UNC13A: variants seen among roughly 807,000 people sequenced by gnomAD.
The protein encoded by UNC13A is protein unc-13 homolog A.
UNC13A carries 61 observed loss-of-function variants against 219.7 expected under a neutral mutation model. The observed-to-expected ratio is 0.28, with a 90% confidence interval of 0.23 to 0.34. UNC13A has a LOEUF of 0.34. UNC13A is among the 10% of genes least tolerant of loss of function. The pLI, the probability that UNC13A is intolerant of heterozygous loss-of-function variation, is 1.00. For synonymous variants in UNC13A, 920 were observed against 884.6 expected (o/e 1.04, Z -0.71); for missense variants, 1,476 against 2,270.3 (o/e 0.65, Z 7.11).
intron 1 of UNC13A, among the ~76,000 whole-genome samples, chr19:17,681,621 C>A (rs1420011047): frequency 6.6e-6 from 1 of 152,126 alleles, no homozygotes; most frequent in Non-Finnish European, 1.5e-5. Flanking sequence ...TGTTGTTTAC[C>A]ATGAACCACT....
intron 1 of UNC13A, among the ~76,000 whole-genome samples, chr19:17,678,121 C>A (rs530234437): frequency 6.6e-6 from 1 of 152,150 alleles, no homozygotes; most frequent in Non-Finnish European, 1.5e-5. Context: ...CTGAGTGGAG[C>A]CAGTGAAGAG....
chr19:17,641,328 C>G, intron 21 of UNC13A, 65 bp downstream of exon 21: 5 of 1,583,474 alleles, frequency 3.2e-6, no homozygotes, highest in South Asian at 2.3e-5. Flanking sequence ...CCTCCCACCC[C>G]AGACCTGCCA....
At position 17,618,418 on chromosome 19, in the gene UNC13A, C is replaced by T; in HGVS notation, c.4410+3G>A. 2 of 1,574,102 alleles carry T rather than the reference C, an allele frequency of 1.3e-6. No homozygotes were observed. The highest frequency in any genetic ancestry group is 1.7e-6 in the Non-Finnish European group (2 of 1,159,786). ...TGGGATGGGGAGGGGTAGGGCCTCT[C>T]ACCTTGATGGTGTCCAGGGCCAACT... On this transcript the variant is annotated splice_donor_region_variant and intron_variant, in intron 40 of 43. Transcript: ENST00000519716.
At chr19:17,661,433 C>T (rs1233948427) in intron 8 of UNC13A, among the ~76,000 whole-genome samples, 1 of 152,072 alleles carries the variant, frequency 6.6e-6, no homozygotes, top group African/African-American at 2.4e-5. Context: ...GTAGCTCACA[C>T]CTATAATCCC....
chr19:17,645,557 T>G (rs1321907583), intron 19 of UNC13A, 117 bp downstream of exon 19: 1 of 1,442,026 alleles, frequency 6.9e-7, no homozygotes, highest in Non-Finnish European at 9.4e-7. Context: ...CCCATCAGAT[T>G]ATGCTCCTCG....
At chr19:17,655,682 C>T (rs77101451) in intron 10 of UNC13A, among the ~76,000 whole-genome samples, 11,490 of 151,880 alleles carry the variant, frequency 0.076, 515 homozygotes, top group East Asian at 0.13. Context: ...AGATCACAAA[C>T]TCTAAGTCTC....
At chr19:17,635,557 G>A (rs929577172) in intron 26 of UNC13A, among the ~76,000 whole-genome samples, 2 of 152,026 alleles carry the variant, frequency 1.3e-5, no homozygotes, top group Admixed American at 6.6e-5. Flanking sequence ...AATATTGTAC[G>A]TTGAATTGCA....
rs10535025 is a variant in UNC13A, at chr19:17,666,881, C to CGA, written c.469-179_469-178dup. 3.3e-3 allele frequency among the ~76,000 whole-genome samples: 380 copies of CGA among 115,160 alleles called. 1 individual carries two copies. The highest frequency in any genetic ancestry group is 0.013 in the East Asian group (63 of 4,972). The allele number at this position is 115,160 out of a possible 152,430, so 75.5% of individuals were successfully genotyped here. On this transcript the variant is annotated intron_variant, in intron 6 of 43. Transcript: ENST00000519716. Reference sequence around the variant, plus strand: ...AAGGAGAGAAAGACACACACACACACGAGAGAGAGAGAGAGAGAGAGAGAG... The same window carrying CGA: ...AAGGAGAGAAAGACACACACACACACGAGAGAGAGAGAGAGAGAGAGAGAGAG...
At chr19:17,676,339 T>G (rs958860547) in intron 1 of UNC13A, among the ~76,000 whole-genome samples, 1 of 151,782 alleles carries the variant, frequency 6.6e-6, no homozygotes, top group African/African-American at 2.4e-5. Flanking sequence ...GAAGGAAATT[T>G]GGACCCTGAG....
chr19:17,624,696 G>T, intron 35 of UNC13A, 133 bp downstream of exon 35: 1 of 1,317,544 alleles, frequency 7.6e-7, no homozygotes, highest in East Asian at 2.5e-5. Flanking sequence ...CCCTTGAATG[G>T]CCCTTGAGCC....
chr19:17,652,683 GGACA>G lies in UNC13A; in HGVS notation c.1393-10_1393-7del, dbSNP rs762053045. The G allele has an allele frequency of 1.0e-4, 165 of 1,613,634 alleles. No individual in the cohort carries two copies. The highest frequency in any genetic ancestry group is 1.7e-4 in the Admixed American group (10 of 59,992). On this transcript the variant is annotated splice_polypyrimidine_tract_variant and splice_region_variant and intron_variant, in intron 11 of 43. Transcript: ENST00000519716. The stretch of plus-strand genomic sequence containing the variant: ...ATCTCTCCTTCTCCCCGGGCCTGCA[GGACA>G]GACAGACAGATATGGTCAGTGTGGC...
At chr19:17,644,919 T>C (rs1485614397) in intron 19 of UNC13A, among the ~76,000 whole-genome samples, 1 of 151,978 alleles carries the variant, frequency 6.6e-6, no homozygotes, top group Non-Finnish European at 1.5e-5. Flanking sequence ...CTTGAACTCC[T>C]GGACTCAAGT....
In UNC13A at chr19:17,649,010, G is replaced by A. The variant is rs542792975; in HGVS notation, c.1525-27C>T. On this transcript the variant is annotated intron_variant, in intron 14 of 43. Transcript: ENST00000519716. The surrounding 1 kb of genome is among the most constrained non-coding windows in gnomAD (Gnocchi z 4.4). ...TGGGGAGGTCACAGAAGAGGGAGTC[G>A]GGGGGGTTGACATCCATGAGATCAC... 4.8e-5 allele frequency: 75 copies of A among 1,568,150 alleles called. No individual in the cohort carries two copies. Among genetic ancestry groups the A allele is most frequent in the Non-Finnish European group, 6.2e-5 (72 of 1,157,666 alleles).
At chr19:17,687,337 C>G (rs73011758) in intron 1 of UNC13A, among the ~76,000 whole-genome samples, 7 of 152,048 alleles carry the variant, frequency 4.6e-5, no homozygotes, top group Non-Finnish European at 1.0e-4. Flanking sequence ...CTCCCTCTCT[C>G]CAGTGCAAAG....
At position 17,604,859 on chromosome 19, in the gene UNC13A, G is replaced by C. The variant is rs559145532; in HGVS notation, c.*1195C>G. 6.6e-6 allele frequency: 1 copy of C among 151,240 alleles called. No individual in the cohort carries two copies. The highest frequency in any genetic ancestry group is 1.9e-4 in the East Asian group (1 of 5,192). 9.4% of individuals were successfully genotyped at this position (151,240 alleles called of 1,614,324 possible). On this transcript the variant is annotated 3_prime_UTR_variant, in exon 44 of 44. Transcript: ENST00000519716. The stretch of plus-strand genomic sequence containing the variant: ...GCTCTCACTGTGTCACTGTGTTTGT[G>C]TTTCTCTCTCTCTCATTCTCTTTCT...
intron 42 of UNC13A, 87 bp downstream of exon 42, chr19:17,611,676 C>CA: frequency 8.0e-7 from 1 of 1,257,478 alleles, no homozygotes; most frequent in Non-Finnish European, 1.1e-6. Flanking sequence ...TAAACAACAA[C>CA]AACAAAAAAA....
At chr19:17,625,770 A>G (rs1239043690) in intron 34 of UNC13A, among the ~76,000 whole-genome samples, 1 of 150,932 alleles carries the variant, frequency 6.6e-6, no homozygotes, top group African/African-American at 2.4e-5. Context: ...ACATTTATTT[A>G]TCCATCCAAA....
chr19:17,642,818 T>C (rs776930171), intron 20 of UNC13A, 27 bp downstream of exon 20: 22 of 1,570,040 alleles, frequency 1.4e-5, no homozygotes, highest in Non-Finnish European at 1.8e-5. Context: ...GGAAGTGGCA[T>C]GGGAGGGGCC....
At chr19:17,640,833 T>G (rs1052687875) in intron 21 of UNC13A, among the ~76,000 whole-genome samples, 172 bp from the exon 22 acceptor site, 1 of 152,034 alleles carries the variant, frequency 6.6e-6, no homozygotes, top group Non-Finnish European at 1.5e-5. Flanking sequence ...CCTCCATCTT[T>G]ATATCCATTT....
Sources: allele counts gnomAD v4.1 joint callset (sites outside exome capture counted in the v4.1 genomes callset), GRCh38; gene constraint gnomAD v4.1.1; non-coding constraint Gnocchi (gnomAD v3.1); transcripts MANE v1.5; gene names NCBI Gene and HGNC (gene_info 2026-07-23, HGNC 2026-07-21).